Variants in ATXN10 observed in about 807,000 individuals in gnomAD.
The protein encoded by ATXN10 is ataxin 10.
ATXN10 carries 28 observed loss-of-function variants against 52.9 expected under a neutral mutation model. The observed-to-expected ratio is 0.53, with a 90% confidence interval of 0.39 to 0.73. The LOEUF is 0.73. Ranked by LOEUF, ATXN10 falls within the 30% of genes least tolerant of loss-of-function variation. The probability of loss-of-function intolerance (pLI) is 0.00; values close to 1 mark genes in which losing one functional copy is unlikely to be tolerated. For missense variants in ATXN10, 565 were observed against 577.0 expected (o/e 0.98, Z 0.21); for synonymous variants, 226 against 221.5 (o/e 1.02, Z -0.18).
chr22:45,694,584 C>T lies in ATXN10; in HGVS notation c.391+1506C>T, dbSNP rs374201609. On this transcript the variant is annotated intron_variant, in intron 3 of 11. Transcript: ENST00000252934. ...ATCATTTGAGGTCAGGAGTTCAAGA[C>T]CAGCCTGGCCAACATGGTGAAACCC... Among the ~76,000 whole-genome samples, 6 of 151,710 alleles carry T rather than the reference C, an allele frequency of 4.0e-5. No individual in the cohort carries two copies. In the East Asian group the frequency reaches 1.2e-3, roughly 30 times the overall value.
intron 9 of ATXN10, among the ~76,000 whole-genome samples, chr22:45,767,391 G>A (rs1399605170): frequency 1.3e-5 from 2 of 150,690 alleles, no homozygotes; most frequent in Non-Finnish European, 3.0e-5. Context: ...ATGAATATAT[G>A]TACATATTCA....
At position 45,820,743 on chromosome 22, in the gene ATXN10, G is replaced by A. The variant is rs986157271; in HGVS notation, c.1237+13721G>A. Among the ~76,000 whole-genome samples the A allele has an allele frequency of 2.6e-5, 4 of 152,210 alleles. No homozygotes were observed. The highest frequency in any genetic ancestry group is 4.8e-5 in the African/African-American group (2 of 41,448). The stretch of plus-strand genomic sequence containing the variant: ...GCCGCAGGCATTGCCAGGGTGGTTT[G>A]CTTACCCCGGCCATCCCAACAATGG... On this transcript the variant is annotated intron_variant, in intron 10 of 11. Transcript: ENST00000252934. The surrounding 1 kb of genome is among the most constrained non-coding windows in gnomAD (Gnocchi z 4.9).
At chr22:45,779,368 T>G (rs936733231) in intron 9 of ATXN10, among the ~76,000 whole-genome samples, 9 of 152,248 alleles carry the variant, frequency 5.9e-5, no homozygotes, top group Non-Finnish European at 1.5e-5. Context: ...TTTCCAGTTC[T>G]GGCATTCTGA....
At chr22:45,806,163 C>T (rs1030491714) in intron 9 of ATXN10, among the ~76,000 whole-genome samples, 1 of 152,106 alleles carries the variant, frequency 6.6e-6, no homozygotes, top group South Asian at 2.1e-4. Flanking sequence ...GGAGTTGTAC[C>T]ATTTTCCCTC....
intron 10 of ATXN10, among the ~76,000 whole-genome samples, chr22:45,834,461 G>A (rs1929099540): frequency 6.6e-6 from 1 of 152,226 alleles, no homozygotes; most frequent in African/African-American, 2.4e-5. Context: ...CCCGGGTTGT[G>A]TGTGGAGACA....
In ATXN10 at chr22:45,727,659, C is replaced by T. The variant is rs1204994744; in HGVS notation, c.729-1766C>T. 6.6e-6 allele frequency among the ~76,000 whole-genome samples: 1 copy of T among 152,138 alleles called. No individual in the cohort carries two copies. Among genetic ancestry groups the T allele is most frequent in the East Asian group, 1.9e-4 (1 of 5,190 alleles). On this transcript the variant is annotated intron_variant, in intron 6 of 11. Transcript: ENST00000252934. This position sits in a 1 kb window ranked among gnomAD's most constrained non-coding sequence, Gnocchi z 4.6. ...TTCAGGTGTGAGCCACCACACCCAG[C>T]CAATATATTTTGATTTTTAAAAAAA...
chr22:45,753,164 C>T (rs1225108829), intron 9 of ATXN10, among the ~76,000 whole-genome samples: 1 of 151,198 alleles, frequency 6.6e-6, no homozygotes, highest in Non-Finnish European at 1.5e-5. Flanking sequence ...TCTCATTTCC[C>T]TCTTCCCTTA....
intron 9 of ATXN10, among the ~76,000 whole-genome samples, chr22:45,804,127 T>C (rs1374323198): frequency 1.3e-5 from 2 of 152,204 alleles, no homozygotes; most frequent in African/African-American, 4.8e-5. Context: ...GCTGTCATAT[T>C]GTCGGCAGTT....
At position 45,759,174 on chromosome 22, in the gene ATXN10, A is replaced by C. The variant is rs559446682; in HGVS notation, c.1173+18636A>C. On this transcript the variant is annotated intron_variant, in intron 9 of 11. Transcript: ENST00000252934. This position sits in a 1 kb window ranked among gnomAD's most constrained non-coding sequence, Gnocchi z 5.4. ...GAAGGAAGGGGAAGAAAAGGTCCTC[A>C]CCCTCAAGTAACTTGAAGCTTAGAG... Among the ~76,000 whole-genome samples, 1 of 152,298 alleles carries C rather than the reference A, an allele frequency of 6.6e-6. No individual in the cohort carries two copies. The highest frequency in any genetic ancestry group is 1.9e-4 in the East Asian group (1 of 5,174).
At chr22:45,675,177 A>T (rs1041024850) in intron 1 of ATXN10, 1 of 152,214 alleles carries the variant, frequency 6.6e-6, no homozygotes, top group African/African-American at 2.4e-5. Context: ...CTCCTGTCTT[A>T]TCAGAAACAA....
chr22:45,736,960 A>G (rs191839495), intron 7 of ATXN10, among the ~76,000 whole-genome samples: 4 of 152,218 alleles, frequency 2.6e-5, no homozygotes, highest in African/African-American at 7.2e-5. Context: ...TCCCTAACCA[A>G]TTCTTAGGTT....
rs1927217405 is a variant in ATXN10, at chr22:45,783,393, C to T, written c.1174-23566C>T. 5.9e-5 allele frequency among the ~76,000 whole-genome samples: 9 copies of T among 152,216 alleles called. No homozygotes were observed. In the South Asian group the frequency reaches 1.4e-3, roughly 25 times the overall value. On this transcript the variant is annotated intron_variant, in intron 9 of 11. Coordinates refer to ENST00000252934, the MANE Select transcript of ATXN10 (RefSeq NM_013236.4). The surrounding 1 kb of genome is among the most constrained non-coding windows in gnomAD (Gnocchi z 5.0). ...CCACGGGTAACTGAAAATTGCAAAACGTGAATCCTTGAATGAGGGTACAAC... is the reference window on the plus strand; with the variant it reads ...CCACGGGTAACTGAAAATTGCAAAATGTGAATCCTTGAATGAGGGTACAAC...
In ATXN10 at chr22:45,825,004, G is replaced by A. The variant is rs1928770594; in HGVS notation, c.1237+17982G>A. Reference sequence around the variant, plus strand: ...GAATGGTAAAGTGGAGTTAACTTCTGTCAATTTCAGCTCTAGCTCAGTAGC... The same window carrying A: ...GAATGGTAAAGTGGAGTTAACTTCTATCAATTTCAGCTCTAGCTCAGTAGC... On this transcript the variant is annotated intron_variant, in intron 10 of 11. Transcript: ENST00000252934. This position sits in a 1 kb window ranked among gnomAD's most constrained non-coding sequence, Gnocchi z 4.5. Among the ~76,000 whole-genome samples the A allele has an allele frequency of 6.6e-6, 1 of 152,208 alleles. No individual in the cohort carries two copies. The highest frequency in any genetic ancestry group is 2.4e-5 in the African/African-American group (1 of 41,458).
chr22:45,842,954 G>T lies in ATXN10; in HGVS notation c.1238-37G>T. ...ATTCTTATGTGAAGTTATCAAACAG[G>T]AAAGTACGTTGTCACATTCCTTCAC... On this transcript the variant is annotated intron_variant, in intron 10 of 11. Coordinates refer to ENST00000252934, the MANE Select transcript of ATXN10 (RefSeq NM_013236.4). This position sits in a 1 kb window ranked among gnomAD's most constrained non-coding sequence, Gnocchi z 4.8. 1 of 1,601,766 alleles carries T rather than the reference G, an allele frequency of 6.2e-7. No individual in the cohort carries two copies. Among genetic ancestry groups the T allele is most frequent in the South Asian group, 1.1e-5 (1 of 90,762 alleles).
chr22:45,737,538 A>G (rs1406630199), intron 7 of ATXN10, among the ~76,000 whole-genome samples: 2 of 152,220 alleles, frequency 1.3e-5, no homozygotes, highest in Non-Finnish European at 2.9e-5. Context: ...GATCCAAGAC[A>G]TTAAAAATAT....
chr22:45,691,234 G>A (rs1341895330), intron 2 of ATXN10, among the ~76,000 whole-genome samples: 1 of 152,168 alleles, frequency 6.6e-6, no homozygotes, highest in Non-Finnish European at 1.5e-5. Flanking sequence ...CAGTCACAAG[G>A]TGCTCTAGTG....
rs922510270 is a variant in ATXN10, at chr22:45,843,445, A to C, written c.1426-224A>C. ...GCATATCAAAAGTTATACATGGTCT[A>C]AAAGTAAGTTACTCATAGGAATTAG... On this transcript the variant is annotated intron_variant, in intron 11 of 11. Transcript: ENST00000252934. The surrounding 1 kb of genome is among the most constrained non-coding windows in gnomAD (Gnocchi z 4.5). Among the ~76,000 whole-genome samples, 8 of 152,234 alleles carry C rather than the reference A, an allele frequency of 5.3e-5. No individual in the cohort carries two copies. Among genetic ancestry groups the C allele is most frequent in the African/African-American group, 1.9e-4 (8 of 41,468 alleles).
At chr22:45,830,115 G>C (rs1473195221) in intron 10 of ATXN10, among the ~76,000 whole-genome samples, 1 of 152,222 alleles carries the variant, frequency 6.6e-6, no homozygotes, top group African/African-American at 2.4e-5. Flanking sequence ...CCATTCAGTG[G>C]AGAAAGCGCA....
intron 7 of ATXN10, among the ~76,000 whole-genome samples, chr22:45,734,163 A>G: frequency 6.6e-6 from 1 of 152,142 alleles, no homozygotes; most frequent in East Asian, 1.9e-4. Flanking sequence ...CAGGTTATAA[A>G]TTCCTGGAGT....
Sources: gnomAD v4.1 joint callset for allele counts (sites outside exome capture counted in the v4.1 genomes callset) on GRCh38, gnomAD v4.1.1 for gene constraint, Gnocchi (gnomAD v3.1) non-coding constraint, MANE v1.5 for transcripts, NCBI Gene and HGNC (gene_info 2026-07-23, HGNC 2026-07-21) for gene names.